Variants in GALNTL6 observed in about 807,000 individuals in gnomAD.
The protein encoded by GALNTL6 is polypeptide N-acetylgalactosaminyltransferase like 6, also known as polypeptide N-acetylgalactosaminyltransferase-like 6.
Under a neutral mutation model 73.7 loss-of-function variants are expected in GALNTL6, and 46 were observed. The observed-to-expected ratio is 0.62, with a 90% CI of 0.49 to 0.80. The LOEUF (loss-of-function observed/expected upper bound fraction) is 0.80, where lower values mean the gene tolerates loss of function less well. GALNTL6 is among the 30% of genes least tolerant of loss of function. The pLI is 0.00. For synonymous variants in GALNTL6, 259 were observed against 263.7 expected (o/e 0.98, Z 0.17); for missense variants, 604 against 755.0 (o/e 0.80, Z 2.34).
chr4:172,131,812 T>C (rs1416716391), intron 2 of GALNTL6, among the ~76,000 whole-genome samples: 1 of 151,858 alleles, frequency 6.6e-6, no homozygotes, highest in East Asian at 1.9e-4. Flanking sequence ...ACACTGTTCA[T>C]TGCACACACT....
At chr4:172,447,743 G>A (rs555110894) in intron 5 of GALNTL6, among the ~76,000 whole-genome samples, 4 of 152,106 alleles carry the variant, frequency 2.6e-5, no homozygotes, top group East Asian at 1.9e-4. Context: ...TAAAGACCAG[G>A]GAGCATATAT....
intron 2 of GALNTL6, among the ~76,000 whole-genome samples, chr4:171,860,500 T>G (rs546734604): frequency 1.3e-5 from 2 of 152,328 alleles, no homozygotes; most frequent in South Asian, 4.1e-4. Context: ...GATTGCTCAT[T>G]GTGGAACAAT....
chr4:172,871,212 C>T (rs1744912357), intron 7 of GALNTL6, among the ~76,000 whole-genome samples: 1 of 152,110 alleles, frequency 6.6e-6, no homozygotes, highest in Non-Finnish European at 1.5e-5. Flanking sequence ...AGCTTTTGTC[C>T]CTTCCTCTGG....
At chr4:172,374,871 C>T (rs1332808422) in intron 5 of GALNTL6, among the ~76,000 whole-genome samples, 1 of 152,164 alleles carries the variant, frequency 6.6e-6, no homozygotes, top group Non-Finnish European at 1.5e-5. Flanking sequence ...TGCCCTAGAC[C>T]ATGTAGGATA....
At chr4:172,521,641 A>AT (rs1734777718) in intron 5 of GALNTL6, among the ~76,000 whole-genome samples, 1 of 152,164 alleles carries the variant, frequency 6.6e-6, no homozygotes, top group Admixed American at 6.5e-5. Flanking sequence ...ATATCATGTA[A>AT]TTTTAGGGTA....
At chr4:172,375,169 A>T (rs756313631) in intron 5 of GALNTL6, among the ~76,000 whole-genome samples, 4 of 152,196 alleles carry the variant, frequency 2.6e-5, no homozygotes, top group Non-Finnish European at 4.4e-5. Context: ...TGTGGGATGT[A>T]AATTGCAAGC....
At chr4:172,066,535 CT>C (rs34015763) in intron 2 of GALNTL6, among the ~76,000 whole-genome samples, 10 of 142,398 alleles carry the variant, frequency 7.0e-5, no homozygotes, top group African/African-American at 1.0e-4. Flanking sequence ...CTGACCTGGA[CT>C]TTTTTTTTTT....
chr4:172,234,044 C>T (rs929288287), intron 3 of GALNTL6, among the ~76,000 whole-genome samples: 6 of 151,840 alleles, frequency 4.0e-5, no homozygotes, highest in African/African-American at 9.7e-5. Flanking sequence ...TGAAATTCCT[C>T]GTTGTTTGTA....
At chr4:172,400,513 T>C (rs1261653362) in intron 5 of GALNTL6, among the ~76,000 whole-genome samples, 3 of 152,126 alleles carry the variant, frequency 2.0e-5, no homozygotes, top group Non-Finnish European at 4.4e-5. Context: ...TAAAAATGCA[T>C]GTTAAACTGT....
intron 2 of GALNTL6, among the ~76,000 whole-genome samples, chr4:171,980,819 A>C (rs571747504): frequency 5.9e-5 from 9 of 152,242 alleles, no homozygotes; most frequent in Non-Finnish European, 1.3e-4. Context: ...CTCTGAACGA[A>C]CTATTGGAGG....
At position 171,983,652 on chromosome 4, in the gene GALNTL6, T is replaced by A. The variant is rs564031483; in HGVS notation, c.138+168934T>A. Among the ~76,000 whole-genome samples the A allele has an allele frequency of 2.0e-5, 3 of 152,184 alleles. No individual in the cohort carries two copies. The East Asian group carries it at 5.8e-4, about 29-fold the overall frequency. On this transcript the variant is annotated intron_variant, in intron 2 of 12. Coordinates refer to ENST00000506823, the MANE Select transcript of GALNTL6 (RefSeq NM_001034845.3). Reference sequence around the variant, plus strand: ...GATTACAAGTGTGAGCTTCCATGCCTGGCCTTGAAATTCTTAATAATGCTC... The same window carrying A: ...GATTACAAGTGTGAGCTTCCATGCCAGGCCTTGAAATTCTTAATAATGCTC...
intron 5 of GALNTL6, among the ~76,000 whole-genome samples, chr4:172,601,667 T>A (rs1001125792): frequency 3.3e-5 from 5 of 152,150 alleles, no homozygotes; most frequent in Admixed American, 6.6e-5. Flanking sequence ...AATAAACATT[T>A]TTTCTTTATA....
intron 5 of GALNTL6, among the ~76,000 whole-genome samples, chr4:172,514,054 A>G (rs962388280): frequency 6.6e-6 from 1 of 152,096 alleles, no homozygotes; most frequent in Non-Finnish European, 1.5e-5. Context: ...CCAAGAGGTG[A>G]TGCTTTCAAG....
rs115912641 is a variant in GALNTL6, at chr4:172,417,153, A to G, written c.553+68464A>G. ...AAAAACTCGGTCATTCCTGACTCTG[A>G]TTCTCCTTCTGTTGCTTTATGTGTG... On this transcript the variant is annotated intron_variant, in intron 5 of 12. Coordinates refer to ENST00000506823, the MANE Select transcript of GALNTL6 (RefSeq NM_001034845.3). Among the ~76,000 whole-genome samples the G allele has an allele frequency of 4.0e-3, 609 of 151,784 alleles. 4 individuals carry two copies. Among genetic ancestry groups the G allele is most frequent in the African/African-American group, 0.014 (562 of 41,236 alleles).
In GALNTL6 at chr4:172,657,196, T is replaced by C. The variant is rs1016621776; in HGVS notation, c.554-152165T>C. Among the ~76,000 whole-genome samples, 5 of 152,220 alleles carry C rather than the reference T, an allele frequency of 3.3e-5. No individual in the cohort carries two copies. In the East Asian group the frequency reaches 9.6e-4, roughly 29 times the overall value. On this transcript the variant is annotated intron_variant, in intron 5 of 12. Coordinates refer to ENST00000506823, the MANE Select transcript of GALNTL6 (RefSeq NM_001034845.3). ...TCTCTTCTTCAAGCTTCATGATACT[T>C]TCTTGAAATACGCACACAAAACTTA...
intron 3 of GALNTL6, among the ~76,000 whole-genome samples, chr4:172,257,664 C>T (rs1016058282): frequency 1.3e-5 from 2 of 151,060 alleles, no homozygotes; most frequent in Non-Finnish European, 3.0e-5. Context: ...CTCATTTGTG[C>T]AAGATTGACT....
chr4:172,847,471 T>C (rs1743575389), intron 7 of GALNTL6, among the ~76,000 whole-genome samples: 1 of 152,086 alleles, frequency 6.6e-6, no homozygotes, highest in African/African-American at 2.4e-5. Flanking sequence ...ATTTTCTCTG[T>C]GTATGCTTGT....
At chr4:171,892,927 C>T (rs912252424) in intron 2 of GALNTL6, among the ~76,000 whole-genome samples, 1 of 152,092 alleles carries the variant, frequency 6.6e-6, no homozygotes, top group Non-Finnish European at 1.5e-5. Flanking sequence ...TTAATACTTA[C>T]CCTGCTGGAG....
In GALNTL6 at chr4:172,972,450, C is replaced by T. The variant is rs139419243; in HGVS notation, c.1371+20192C>T. 3.9e-3 allele frequency among the ~76,000 whole-genome samples: 590 copies of T among 152,302 alleles called. 3 individuals are homozygous for T. Among genetic ancestry groups the T allele is most frequent in the African/African-American group, 0.014 (564 of 41,564 alleles). ...TAAAATTAAAGAAACAAATACCCTA[C>T]AATCTTAAACTTGAATTAGAAATTT... On this transcript the variant is annotated intron_variant, in intron 10 of 12. Transcript: ENST00000506823.
Sources: allele counts gnomAD v4.1 joint callset (sites outside exome capture counted in the v4.1 genomes callset), GRCh38; gene constraint gnomAD v4.1.1; transcripts MANE v1.5; gene names NCBI Gene and HGNC (gene_info 2026-07-23, HGNC 2026-07-21).